COG5: variants seen among roughly 807,000 people sequenced by gnomAD.
COG5 encodes the protein conserved oligomeric Golgi complex subunit 5.
COG5 carries 86 observed loss-of-function variants against 110.4 expected under a neutral mutation model. The observed-to-expected ratio is 0.78, with a 90% CI of 0.65 to 0.93. The LOEUF (loss-of-function observed/expected upper bound fraction) is 0.93, where lower values mean the gene tolerates loss of function less well. Ranked by LOEUF, COG5 falls within the 40% of genes least tolerant of loss-of-function variation. COG5 has a pLI of 0.00. For synonymous variants in COG5, 360 were observed against 334.6 expected (o/e 1.08, Z -0.83); for missense variants, 1,077 against 987.0 (o/e 1.09, Z -1.22).
intron 7 of COG5, among the ~76,000 whole-genome samples, chr7:107,375,239 T>C (rs1341120487): frequency 6.6e-6 from 1 of 152,074 alleles, no homozygotes; most frequent in Non-Finnish European, 1.5e-5. Context: ...TATTCCACTG[T>C]AGTAATTTGC....
At chr7:107,380,293 A>G (rs1262193813) in intron 7 of COG5, among the ~76,000 whole-genome samples, 1 of 152,220 alleles carries the variant, frequency 6.6e-6, no homozygotes, top group Non-Finnish European at 1.5e-5. Flanking sequence ...AGCTAGCAGA[A>G]GACAAGAAAT....
chr7:107,243,934 G>T (rs1430019122), intron 17 of COG5, among the ~76,000 whole-genome samples: 7 of 152,124 alleles, frequency 4.6e-5, no homozygotes, highest in Non-Finnish European at 1.0e-4. Context: ...GTAAATACAT[G>T]AAATTAAGGC....
At chr7:107,441,180 A>G (rs1794681341) in intron 6 of COG5, among the ~76,000 whole-genome samples, 1 of 136,322 alleles carries the variant, frequency 7.3e-6, no homozygotes, top group African/African-American at 2.8e-5. Context: ...GCTTGAACCC[A>G]GGGGGGCAAA....
intron 10 of COG5, among the ~76,000 whole-genome samples, chr7:107,353,049 T>A (rs756177387): frequency 2.6e-5 from 4 of 152,222 alleles, no homozygotes; most frequent in Admixed American, 2.0e-4. Flanking sequence ...GATACCAACA[T>A]TGAATTTCTT....
At position 107,283,651 on chromosome 7, in the gene COG5, A is replaced by G. The variant is rs978887073; in HGVS notation, c.1395T>C (p.Pro465=). ...CACCCGGGGGAAAAACCAAGTTGAT[A>G]GGATCGAAGAGTCGAGATAAGGATT... is the stretch of plus-strand genomic sequence containing the variant. ...LSKSLSRLFD[P]INLVFPPGGR... The change falls in exon 13 of 22, where the codon CCT becomes CCC. Residue 465 remains proline (P), a synonymous_variant. Coordinates refer to ENST00000297135, the MANE Select transcript of COG5 (RefSeq NM_006348.5). The G allele has an allele frequency of 3.7e-6, 6 of 1,613,744 alleles. No homozygotes were observed. Among genetic ancestry groups the G allele is most frequent in the Non-Finnish European group, 5.1e-6 (6 of 1,179,760 alleles).
Position 107,474,501 on chromosome 7 carries a change from T to C in COG5, c.538+52736A>G. On this transcript the variant is annotated intron_variant, in intron 6 of 21. Coordinates refer to ENST00000297135, the MANE Select transcript of COG5 (RefSeq NM_006348.5). The surrounding 1 kb of genome is among the most constrained non-coding windows in gnomAD (Gnocchi z 5.7). Reference sequence around the variant, plus strand: ...ACAGATATGACATCTCTGTAAAACCTGCAAACCGAATTCTGACAATGGGCA... The same window carrying C: ...ACAGATATGACATCTCTGTAAAACCCGCAAACCGAATTCTGACAATGGGCA... The C allele has an allele frequency of 6.2e-7, 1 of 1,613,208 alleles. No individual in the cohort carries two copies. The highest frequency in any genetic ancestry group is 8.5e-7 in the Non-Finnish European group (1 of 1,179,436).
chr7:107,430,763 GA>G (rs1563030432), intron 6 of COG5, among the ~76,000 whole-genome samples: 2 of 152,174 alleles, frequency 1.3e-5, no homozygotes, highest in African/African-American at 4.8e-5. Context: ...CTAATCCTCA[GA>G]ATTTGTGAAA....
chr7:107,415,155 T>C (rs1217690468), intron 6 of COG5, among the ~76,000 whole-genome samples: 2 of 152,188 alleles, frequency 1.3e-5, no homozygotes, highest in Admixed American at 1.3e-4. Context: ...CTAAATTATT[T>C]ATTCAGAAGA....
intron 7 of COG5, among the ~76,000 whole-genome samples, chr7:107,394,018 G>A (rs1011665715): frequency 6.6e-6 from 1 of 151,480 alleles, no homozygotes; most frequent in South Asian, 2.1e-4. Context: ...CTGGAGTGCA[G>A]TGGCACAATC....
chr7:107,511,713 C>T (rs1563075330), intron 6 of COG5, among the ~76,000 whole-genome samples: 1 of 152,204 alleles, frequency 6.6e-6, no homozygotes, highest in Non-Finnish European at 1.5e-5. Flanking sequence ...AAGTGGGCTT[C>T]ATCCCTGGGA....
intron 6 of COG5, among the ~76,000 whole-genome samples, chr7:107,487,634 T>G (rs1797726132): frequency 6.6e-6 from 1 of 151,980 alleles, no homozygotes; most frequent in African/African-American, 2.4e-5. Context: ...ACCAAGAAAT[T>G]CAACTTCTAA....
intron 14 of COG5, among the ~76,000 whole-genome samples, chr7:107,260,939 T>C (rs1803286622): frequency 6.6e-6 from 1 of 151,842 alleles, no homozygotes; most frequent in African/African-American, 2.4e-5. Context: ...ACTCTTGTCA[T>C]AGTTTTTTTG....
At position 107,497,509 on chromosome 7, in the gene COG5, T is replaced by C. The variant is rs543171684; in HGVS notation, c.538+29728A>G. ...ATTCCTATGTACCAACAACAATCTA[T>C]ATGAAAAAGATATTAAGAAAACAAT... On this transcript the variant is annotated intron_variant, in intron 6 of 21. Coordinates refer to ENST00000297135, the MANE Select transcript of COG5 (RefSeq NM_006348.5). Among the ~76,000 whole-genome samples, 12 of 152,182 alleles carry C rather than the reference T, an allele frequency of 7.9e-5. No homozygotes were observed. The South Asian group carries it at 2.1e-3, about 26-fold the overall frequency.
intron 21 of COG5, among the ~76,000 whole-genome samples, chr7:107,205,039 C>T (rs1798658676): frequency 6.6e-6 from 1 of 152,230 alleles, no homozygotes; most frequent in South Asian, 2.1e-4. Context: ...CTCCCCTTCG[C>T]TTCACTTTGA....
Position 107,527,280 on chromosome 7 carries a change from T to C in COG5, c.495A>G (p.Gly165=), listed in dbSNP as rs1282017982. 4.3e-6 allele frequency: 7 copies of C among 1,610,586 alleles called. No individual in the cohort carries two copies. Among genetic ancestry groups the C allele is most frequent in the Non-Finnish European group, 4.2e-6 (5 of 1,178,252 alleles). ...SKRLQGQLQG[G]SREITKAAQS... Reference sequence around the variant, plus strand: ...GAGCAGCTTTTGTTATCTCTCTACTTCCCCCTTGCAGTTGTCCTTGGAGTC... The same window carrying C: ...GAGCAGCTTTTGTTATCTCTCTACTCCCCCCTTGCAGTTGTCCTTGGAGTC... The change falls in exon 6 of 22, where the codon GGA becomes GGG. Residue 165 remains glycine, a synonymous_variant. Transcript: ENST00000297135.
intron 5 of COG5, among the ~76,000 whole-genome samples, chr7:107,545,050 T>C (rs1802312235): frequency 6.6e-6 from 1 of 151,818 alleles, no homozygotes; most frequent in African/African-American, 2.4e-5. Context: ...AAAGAATCAG[T>C]GTGCTTGAAA....
intron 6 of COG5, among the ~76,000 whole-genome samples, chr7:107,477,853 ATTTTC>A (rs1797083335): frequency 6.6e-6 from 1 of 151,810 alleles, no homozygotes. Context: ...AAATATTTCT[ATTTTC>A]TTTACGTTGG....
chr7:107,546,714 A>G (rs148584655), intron 5 of COG5, among the ~76,000 whole-genome samples: 1 of 152,182 alleles, frequency 6.6e-6, no homozygotes, highest in East Asian at 1.9e-4. Context: ...CTGATATTAC[A>G]AAAATATAAA....
chr7:107,499,470 A>G (rs961047214), intron 6 of COG5, among the ~76,000 whole-genome samples: 3 of 151,838 alleles, frequency 2.0e-5, no homozygotes, highest in African/African-American at 4.8e-5. Context: ...CAGTGGCACA[A>G]TCTTGGCTCA....
Sources: allele counts gnomAD v4.1 joint callset (sites outside exome capture counted in the v4.1 genomes callset), GRCh38; gene constraint gnomAD v4.1.1; non-coding constraint Gnocchi (gnomAD v3.1); transcripts MANE v1.5; gene names NCBI Gene and HGNC (gene_info 2026-07-23, HGNC 2026-07-21).